PSG6: variants seen among roughly 807,000 people sequenced by gnomAD.
PSG6 encodes pregnancy-specific beta-1-glycoprotein 6.
A neutral mutation model predicts 43.3 loss-of-function variants in PSG6; 51 were observed. That is an observed-to-expected ratio of 1.18 (90% CI 0.94 to 1.49). The LOEUF (loss-of-function observed/expected upper bound fraction) is 1.49. PSG6 is among the 40% of genes most tolerant of loss of function. The pLI is 0.00. For missense variants in PSG6, 770 were observed against 522.2 expected (o/e 1.47, Z -4.62); for synonymous variants, 292 against 197.6 (o/e 1.48, Z -4.01).
At chr19:42,914,046 AT>A (rs1316052883) in intron 2 of PSG6, among the ~76,000 whole-genome samples, 2 of 151,508 alleles carry the variant, frequency 1.3e-5, no homozygotes, top group East Asian at 1.9e-4. Context: ...TTTATTTTAT[AT>A]TTTTTTGTGT....
chr19:42,904,490 C>T (rs1479302800), intron 5 of PSG6, among the ~76,000 whole-genome samples: 1 of 151,532 alleles, frequency 6.6e-6, no homozygotes, highest in East Asian at 1.9e-4. Flanking sequence ...TTTCAATACA[C>T]TAACCATGAA....
Position 42,902,548 on chromosome 19 carries a change from T to C in PSG6, c.1241-102A>G, listed in dbSNP as rs141739867. ...CTCCCAGCAAGGGTGTGAAAGCAAG[T>C]CTAGTTCTCCGAGGCTCTCTTTAAC... On this transcript the variant is annotated intron_variant, in intron 5 of 5. Transcript: ENST00000187910. 1.7e-3 allele frequency: 2,562 copies of C among 1,509,212 alleles called. 78 individuals are homozygous for C. The African/African-American group carries it at 0.031, about 18-fold the overall frequency. The allele number at this position is 1,509,212 out of a possible 1,614,324, so 93.5% of individuals were successfully genotyped here.
intron 2 of PSG6, among the ~76,000 whole-genome samples, chr19:42,911,983 C>T (rs922521197): frequency 2.6e-4 from 40 of 151,614 alleles, no homozygotes; most frequent in Non-Finnish European, 5.5e-4. Flanking sequence ...CCTGTGCAGC[C>T]TCGTGCCTAT....
chr19:42,912,288 T>A (rs1348906359), intron 2 of PSG6, among the ~76,000 whole-genome samples: 1 of 151,620 alleles, frequency 6.6e-6, no homozygotes, highest in African/African-American at 2.4e-5. Flanking sequence ...TCATGTTATA[T>A]TCTGACTCTA....
chr19:42,916,465 G>T lies in PSG6; in HGVS notation c.87C>A (p.Asn29Lys), dbSNP rs367671694. ...LLTASLLNFWNLPTTAQVIIE... is the reference protein window; with the variant it reads ...LLTASLLNFWKLPTTAQVIIE... ...TTATTACTTGGGCAGTGGTGGGCAG[G>T]TTCCAGAAGTTTAAAAGTGATGCTA... The change falls in exon 2 of 6, where the codon AAC (asparagine) becomes AAA (lysine). Residue 29 changes from asparagine (N) to lysine (K), a missense_variant. Transcript: ENST00000187910. 2 of 1,611,192 alleles carry T rather than the reference G, an allele frequency of 1.2e-6. No individual in the cohort carries two copies. Among genetic ancestry groups the T allele is most frequent in the East Asian group, 2.2e-5 (1 of 44,754 alleles).
In PSG6 at chr19:42,916,256, G is replaced by C. The variant is rs143569741; in HGVS notation, c.296C>G (p.Thr99Arg). The change falls in exon 2 of 6, where the codon ACA becomes AGA. Residue 99 changes from threonine to arginine, a missense_variant. Thr to Arg is a moderately conservative substitution (Grantham distance 71). Transcript: ENST00000187910. ...CAGCAGGGATGCATTGGAATATACT[G>C]TTTCTCGTCCACTGTAGGCAGGCCC... ...IYGPAYSGRE[T>R]VYSNASLLIQ... is the part of the protein sequence containing the mutation. The C allele has an allele frequency of 4.4e-3, 7,076 of 1,612,160 alleles. 257 individuals carry two copies. Among genetic ancestry groups the C allele is most frequent in the South Asian group, 0.019 (1,752 of 90,636 alleles).
chr19:42,915,332 C>G (rs1250974457), intron 2 of PSG6: 2 of 151,898 alleles, frequency 1.3e-5, no homozygotes, highest in East Asian at 1.9e-4. Context: ...GGTGTTCACA[C>G]AAACAGCATT....
At chr19:42,904,164 G>A (rs1040173219) in intron 5 of PSG6, among the ~76,000 whole-genome samples, 4 of 151,410 alleles carry the variant, frequency 2.6e-5, no homozygotes, top group African/African-American at 9.7e-5. Context: ...CAACATAAAG[G>A]CAATATGTGA....
intron 5 of PSG6, chr19:42,903,690 A>G (rs1162235053): frequency 1.3e-6 from 2 of 1,532,124 alleles, no homozygotes; most frequent in East Asian, 2.5e-5. Context: ...AGGTGTTTGG[A>G]CCAGCATAGG....
chr19:42,916,521 G>A, intron 1 of PSG6, 34 bp from the exon 2 acceptor site: 1 of 1,590,848 alleles, frequency 6.3e-7, no homozygotes, highest in Non-Finnish European at 8.6e-7. Flanking sequence ...TTAATATTTG[G>A]ACCTATGTAT....
intron 2 of PSG6, among the ~76,000 whole-genome samples, chr19:42,911,906 G>A (rs113121435): frequency 1.2e-4 from 18 of 151,412 alleles, no homozygotes; most frequent in Admixed American, 7.9e-4. Flanking sequence ...CTGAAATCAC[G>A]GGTATAGGGC....
At chr19:42,910,514 G>T in intron 3 of PSG6, 66 bp downstream of exon 3, 1 of 1,612,422 alleles carries the variant, frequency 6.2e-7, no homozygotes, top group Non-Finnish European at 8.5e-7. Context: ...GGACTGAGAG[G>T]CCTGGCCTCT....
chr19:42,917,748 C>G lies in PSG6; in HGVS notation c.45G>C (p.Trp15Cys). 1 of 1,610,328 alleles carries G rather than the reference C, an allele frequency of 6.2e-7. No homozygotes were observed. The highest frequency in any genetic ancestry group is 1.3e-5 in the African/African-American group (1 of 74,794). Residue 15 changes from tryptophan (W) to cysteine (C), a missense_variant, in exon 1 of 6, where the codon TGG (tryptophan) becomes TGC (cysteine). Transcript: ENST00000187910. ...CCTCACCTGTGAGCAGGAGCCCCTT[C>G]CAGGTGATGTGCTGAGTGCAGGGAG... ...SAPPCTQHIT[W>C]KGLLLTASLL... is the part of the protein sequence containing the mutation.
rs1972046987 is a variant in PSG6 at position 42,902,330 on chromosome 19, A to T, written c.*82T>A. ...CCTTTTGATTATTTAGTCCAATAAC[A>T]TTGAGTTTTTTTCTTCTTTGTCTTG... is the stretch of plus-strand genomic sequence containing the variant. On this transcript the variant is annotated 3_prime_UTR_variant, in exon 6 of 6. Coordinates refer to ENST00000187910, the MANE Select transcript of PSG6 (RefSeq NM_001031850.4). 9 of 1,508,762 alleles carry T rather than the reference A, an allele frequency of 6.0e-6. No homozygotes were observed. The highest frequency in any genetic ancestry group is 1.2e-5 in the South Asian group (1 of 83,112). 93.5% of individuals were successfully genotyped at this position (1,508,762 alleles called of 1,614,324 possible). A position where few individuals can be genotyped will look rare whatever the true frequency, so the allele number is the denominator to read the frequency against.
chr19:42,909,481 T>C (rs992115710), intron 3 of PSG6, among the ~76,000 whole-genome samples: 2 of 151,674 alleles, frequency 1.3e-5, no homozygotes, highest in Non-Finnish European at 2.9e-5. Flanking sequence ...AGGGGTTGCA[T>C]TGAATCTGCA....
In PSG6 at chr19:42,906,825, C is replaced by T. The variant is rs113483521; in HGVS notation, c.1240+97G>A. The T allele has an allele frequency of 4.4e-3, 7,114 of 1,606,892 alleles. 391 individuals are homozygous for T. In the African/African-American group the frequency reaches 0.083, roughly 19 times the overall value. The stretch of plus-strand genomic sequence containing the variant: ...TTGGGATTTGCTTGTGCCCATGGGA[C>T]ACAGTCTGGGAATACAAATGTTTTC... On this transcript the variant is annotated intron_variant, in intron 5 of 5. Transcript: ENST00000187910.
At chr19:42,914,369 G>T (rs1251908089) in intron 2 of PSG6, among the ~76,000 whole-genome samples, 1 of 151,010 alleles carries the variant, frequency 6.6e-6, no homozygotes, top group African/African-American at 2.4e-5. Flanking sequence ...AGGGTTGGAG[G>T]AAGAAGCTGT....
chr19:42,909,002 G>A (rs962094321), intron 3 of PSG6, among the ~76,000 whole-genome samples: 2 of 151,630 alleles, frequency 1.3e-5, no homozygotes, highest in African/African-American at 4.8e-5. Flanking sequence ...AGTTCACACA[G>A]ATTATCTCTT....
chr19:42,905,710 A>G lies in PSG6; in HGVS notation c.1240+1212T>C, dbSNP rs1488960190. On this transcript the variant is annotated intron_variant, in intron 5 of 5. Transcript: ENST00000187910. Reference sequence around the variant, plus strand: ...ATAAGTGGGTAGGCAAATGAGATGTATCTATACATTGAAATGTTATTCAAC... The same window carrying G: ...ATAAGTGGGTAGGCAAATGAGATGTGTCTATACATTGAAATGTTATTCAAC... Among the ~76,000 whole-genome samples, 2 of 151,876 alleles carry G rather than the reference A, an allele frequency of 1.3e-5. 1 individual carries two copies. The highest frequency in any genetic ancestry group is 2.9e-5 in the Non-Finnish European group (2 of 67,914).
Sources: gnomAD v4.1 joint callset for allele counts (sites outside exome capture counted in the v4.1 genomes callset) on GRCh38, gnomAD v4.1.1 for gene constraint, MANE v1.5 for transcripts, NCBI Gene and HGNC (gene_info 2026-07-23, HGNC 2026-07-21) for gene names.